Variants in SLC9C1 observed in about 807,000 individuals in gnomAD.
SLC9C1 encodes sodium/hydrogen exchanger 10.
In SLC9C1, 97 loss-of-function variants were observed where a neutral mutation model predicts 140.9. The observed-to-expected ratio is 0.69, with a 90% CI of 0.58 to 0.82. The LOEUF is 0.82. Among genes scored for constraint, SLC9C1 ranks in the 40% least tolerant of loss-of-function variants. SLC9C1 has a pLI of 0.00. For synonymous variants in SLC9C1, 440 were observed against 442.6 expected (o/e 0.99, Z 0.07); for missense variants, 1,340 against 1,389.3 (o/e 0.96, Z 0.56).
intron 2 of SLC9C1, among the ~76,000 whole-genome samples, chr3:112,285,560 C>T (rs2080485157): frequency 6.6e-6 from 1 of 152,088 alleles, no homozygotes; most frequent in African/African-American, 2.4e-5. Context: ...TTTAATCTAG[C>T]AAATTTAAAA....
intron 27 of SLC9C1, 42 bp from the exon 28 acceptor site, chr3:112,152,005 C>A: frequency 6.7e-7 from 1 of 1,502,358 alleles, no homozygotes; most frequent in Non-Finnish European, 9.0e-7. Flanking sequence ...CATGATAGGC[C>A]TTTTGAAGGG....
At chr3:112,253,600 A>G (rs1216746219) in intron 10 of SLC9C1, among the ~76,000 whole-genome samples, 2 of 152,186 alleles carry the variant, frequency 1.3e-5, no homozygotes, top group Non-Finnish European at 2.9e-5. Flanking sequence ...GCCCAATGAA[A>G]ACATTCAGAA....
intron 10 of SLC9C1, among the ~76,000 whole-genome samples, chr3:112,256,504 T>C (rs959649193): frequency 2.0e-5 from 3 of 152,054 alleles, no homozygotes; most frequent in Admixed American, 6.6e-5. Context: ...AAAAGACTGA[T>C]AAAATTCAAC....
At chr3:112,259,416 T>C (rs1234225257) in intron 10 of SLC9C1, among the ~76,000 whole-genome samples, 2 of 126,658 alleles carry the variant, frequency 1.6e-5, no homozygotes, top group Non-Finnish European at 1.7e-5. Context: ...TTTACCTATC[T>C]AAAAAAAAAA....
intron 6 of SLC9C1, among the ~76,000 whole-genome samples, chr3:112,273,569 A>C (rs1476473263): frequency 1.3e-5 from 2 of 152,020 alleles, no homozygotes; most frequent in Non-Finnish European, 2.9e-5. Context: ...GGGAGGGGTG[A>C]GGGGGTGGTG....
chr3:112,164,392 A>T (rs28812631), intron 26 of SLC9C1, among the ~76,000 whole-genome samples: 1 of 133,594 alleles, frequency 7.5e-6, no homozygotes, highest in Admixed American at 7.6e-5. Context: ...TTTTGGCATG[A>T]TTTTGCAGCA....
At chr3:112,194,865 A>G (rs1400318540) in intron 20 of SLC9C1, among the ~76,000 whole-genome samples, 1 of 150,512 alleles carries the variant, frequency 6.6e-6, no homozygotes, top group African/African-American at 2.5e-5. Flanking sequence ...TGTAGTTTTG[A>G]TTTGCATTTC....
At chr3:112,183,344 C>CTTTTTTTTT (rs1159788975) in intron 20 of SLC9C1, among the ~76,000 whole-genome samples, 4 of 20,942 alleles carry the variant, frequency 1.9e-4, no homozygotes, top group Non-Finnish European at 3.3e-4. Context: ...TATTTAGCAC[C>CTTTTTTTTT]TTTTCTTTTT....
At chr3:112,279,541 A>G (rs1236555280) in intron 3 of SLC9C1, among the ~76,000 whole-genome samples, 2 of 152,228 alleles carry the variant, frequency 1.3e-5, no homozygotes, top group African/African-American at 2.4e-5. Flanking sequence ...AATCATGCAC[A>G]AAATTCACAA....
intron 10 of SLC9C1, among the ~76,000 whole-genome samples, chr3:112,253,026 G>A (rs1390031008): frequency 6.6e-6 from 1 of 152,072 alleles, no homozygotes; most frequent in African/African-American, 2.4e-5. Context: ...AGGAGACTAG[G>A]GACTGGTGAT....
At chr3:112,243,502 T>A (rs566127089) in intron 11 of SLC9C1, among the ~76,000 whole-genome samples, 1 of 151,838 alleles carries the variant, frequency 6.6e-6, no homozygotes, top group Admixed American at 6.6e-5. Context: ...AGTACTAGAG[T>A]GGGGAAAGAG....
chr3:112,216,600 G>A (rs2078377776), intron 15 of SLC9C1, among the ~76,000 whole-genome samples: 1 of 151,902 alleles, frequency 6.6e-6, no homozygotes, highest in South Asian at 2.1e-4. Context: ...AAAGACACAT[G>A]AAAAAATGCT....
At chr3:112,215,985 A>G (rs1471387762) in intron 15 of SLC9C1, among the ~76,000 whole-genome samples, 3 of 152,244 alleles carry the variant, frequency 2.0e-5, no homozygotes, top group Non-Finnish European at 4.4e-5. Context: ...CCAAAACAGC[A>G]TGGTACTGGT....
At chr3:112,201,282 A>G (rs2077898820) in intron 18 of SLC9C1, among the ~76,000 whole-genome samples, 1 of 152,096 alleles carries the variant, frequency 6.6e-6, no homozygotes, top group Admixed American at 6.6e-5. Flanking sequence ...GGTGAACGAA[A>G]GTAGAAATTA....
At chr3:112,213,810 G>A (rs2078277406) in intron 15 of SLC9C1, among the ~76,000 whole-genome samples, 2 of 152,112 alleles carry the variant, frequency 1.3e-5, no homozygotes, top group South Asian at 2.1e-4. Context: ...GAGACAGAAA[G>A]TTAACAAGGA....
intron 25 of SLC9C1, 45 bp from the exon 26 acceptor site, chr3:112,167,392 A>G (rs2077159886): frequency 3.3e-6 from 5 of 1,524,998 alleles, no homozygotes; most frequent in Non-Finnish European, 4.4e-6. Context: ...CAAATATCCT[A>G]CAATTAAAAA....
At position 112,141,299 on chromosome 3, in the gene SLC9C1, A is replaced by AAAAAAC. The variant is rs758740290; in HGVS notation, c.3525-24_3525-19dup. On this transcript the variant is annotated intron_variant, in intron 28 of 28. Coordinates refer to ENST00000305815, the MANE Select transcript of SLC9C1 (RefSeq NM_183061.3). ...ACTCTTTCCTAATAGAAGCGGAAAGAAAAAACAAAAACATAGAGGGCTTTT... is the reference window on the plus strand; with the variant it reads ...ACTCTTTCCTAATAGAAGCGGAAAGAAAAAACAAAAACAAAAACATAGAGGGCTTTT... 1.2e-5 allele frequency: 19 copies of AAAAAAC among 1,579,966 alleles called. No homozygotes were observed. The African/African-American group carries it at 2.6e-4, about 22-fold the overall frequency.
chr3:112,287,245 T>C (rs1246801566), intron 1 of SLC9C1, among the ~76,000 whole-genome samples: 1 of 152,182 alleles, frequency 6.6e-6, no homozygotes, highest in African/African-American at 2.4e-5. Flanking sequence ...CAACAAAGGG[T>C]TTTGTCCTCA....
At chr3:112,147,627 G>A (rs577635450) in intron 28 of SLC9C1, 26 of 265,894 alleles carry the variant, frequency 9.8e-5, no homozygotes, top group South Asian at 8.1e-4. Context: ...CTCCTGGCTT[G>A]TAAGGTTTCT....
Sources: gnomAD v4.1 joint callset for allele counts (sites outside exome capture counted in the v4.1 genomes callset) on GRCh38, gnomAD v4.1.1 for gene constraint, MANE v1.5 for transcripts, NCBI Gene and HGNC (gene_info 2026-07-23, HGNC 2026-07-21) for gene names.